The following RIMS3 variants were observed in gnomAD, a reference collection of about 807,000 sequenced individuals.
RIMS3 encodes the protein regulating synaptic membrane exocytosis protein 3.
In RIMS3, 15 loss-of-function variants were observed where a neutral mutation model predicts 29.2. That is an observed-to-expected ratio of 0.51 (90% CI 0.34 to 0.79). The LOEUF (loss-of-function observed/expected upper bound fraction) is 0.79. Ranked by LOEUF, RIMS3 falls within the 30% of genes least tolerant of loss-of-function variation. The pLI is 0.01. For missense variants in RIMS3, 342 were observed against 421.4 expected, an observed-to-expected ratio of 0.81 and a Z score of 1.65; for synonymous variants, 161 against 170.1, an observed-to-expected ratio of 0.95 and a Z score of 0.41.
chr1:40,650,759 G>A (rs1024358777), intron 1 of RIMS3, among the ~76,000 whole-genome samples: 6 of 150,974 alleles, frequency 4.0e-5, no homozygotes, highest in Non-Finnish European at 7.4e-5. Context: ...CCAGCTACTC[G>A]GGAGGCTGAG....
chr1:40,685,129 T>C, the RIMS3 span, among the ~76,000 whole-genome samples: 1 of 151,838 alleles, frequency 6.6e-6, no homozygotes, highest in Non-Finnish European at 1.5e-5. Context: ...TCAGACTGGG[T>C]CATGTTCCTA....
At chr1:40,683,801 G>C in the RIMS3 span, among the ~76,000 whole-genome samples, 6 of 152,364 alleles carry the variant, frequency 3.9e-5, no homozygotes, top group South Asian at 6.2e-4. Flanking sequence ...CTGTTGGATA[G>C]TGTTGGTTAG....
At chr1:40,680,095 A>G in the RIMS3 span, among the ~76,000 whole-genome samples, 1 of 151,952 alleles carries the variant, frequency 6.6e-6, no homozygotes, top group East Asian at 1.9e-4. Context: ...AGGAGTTTTG[A>G]GACTCGCCTG....
chr1:40,655,797 G>A (rs1160471505), intron 1 of RIMS3, among the ~76,000 whole-genome samples: 4 of 152,208 alleles, frequency 2.6e-5, no homozygotes, highest in Non-Finnish European at 4.4e-5. Context: ...TTGAGGTCAG[G>A]AGTTCAAGGC....
At chr1:40,650,777 G>A (rs1646626782) in intron 1 of RIMS3, among the ~76,000 whole-genome samples, 1 of 145,880 alleles carries the variant, frequency 6.9e-6, no homozygotes, top group Admixed American at 7.2e-5. Flanking sequence ...GAGGTGGGAG[G>A]ATGGCTTGAG....
chr1:40,653,839 A>G (rs1642230843), intron 1 of RIMS3, among the ~76,000 whole-genome samples: 1 of 152,136 alleles, frequency 6.6e-6, no homozygotes, highest in South Asian at 2.1e-4. Flanking sequence ...TCACAATCAC[A>G]CTGGACCGCA....
chr1:40,674,909 A>G, the RIMS3 span, among the ~76,000 whole-genome samples: 1 of 152,192 alleles, frequency 6.6e-6, no homozygotes, highest in Non-Finnish European at 1.5e-5. Flanking sequence ...AACTAAGACA[A>G]CCTAGCACAA....
the RIMS3 span, among the ~76,000 whole-genome samples, chr1:40,683,871 GGACA>G: frequency 2.6e-5 from 4 of 152,166 alleles, no homozygotes; most frequent in Admixed American, 2.0e-4. Flanking sequence ...CTCAGGAAGT[GGACA>G]GACATTGTTT....
chr1:40,629,499 A>G (rs2076333), intron 5 of RIMS3, 127 bp from the exon 6 acceptor site: 192,826 of 795,160 alleles, frequency 0.24, 24,191 homozygotes, highest in African/African-American at 0.31. Flanking sequence ...GATGGCACCA[A>G]CCACATGGGC....
intron 2 of RIMS3, among the ~76,000 whole-genome samples, chr1:40,645,538 G>A (rs1329016521): frequency 6.6e-6 from 1 of 152,076 alleles, no homozygotes; most frequent in African/African-American, 2.4e-5. Flanking sequence ...TGGGTCTCTG[G>A]GCCCTTTGAG....
chr1:40,635,950 C>A lies in RIMS3; in HGVS notation c.325G>T (p.Asp109Tyr). The A allele has an allele frequency of 1.2e-6, 2 of 1,612,694 alleles. No individual in the cohort carries two copies. The highest frequency in any genetic ancestry group is 1.7e-6 in the Non-Finnish European group (2 of 1,179,970). ...VTRQGSREST[D>Y]GSTNSNSSDG... ...GAGCTGTTGCTGTTGGTGCTCCCATCGGTGGACTCCCGGCTGCCCTGGCGT... is the reference window on the plus strand; with the variant it reads ...GAGCTGTTGCTGTTGGTGCTCCCATAGGTGGACTCCCGGCTGCCCTGGCGT... The change falls in exon 4 of 8, where the codon GAT (aspartate) becomes TAT (tyrosine). Residue 109 changes from aspartate to tyrosine, a missense_variant. Asp to Tyr is a radical substitution (Grantham distance 160). Transcript: ENST00000372684. The surrounding 1 kb of genome is among the most constrained non-coding windows in gnomAD (Gnocchi z 4.1).
the RIMS3 span, among the ~76,000 whole-genome samples, chr1:40,689,095 T>C: frequency 5.9e-5 from 9 of 152,252 alleles, 1 homozygote; most frequent in African/African-American, 2.2e-4. Flanking sequence ...ACAACAAAGG[T>C]TTATTTATTG....
the RIMS3 span, among the ~76,000 whole-genome samples, chr1:40,677,813 G>A: frequency 6.6e-6 from 1 of 152,160 alleles, no homozygotes; most frequent in East Asian, 1.9e-4. Flanking sequence ...CCAAGGCAAG[G>A]GACCTTGAAG....
At chr1:40,650,262 G>A (rs1217031769) in intron 1 of RIMS3, among the ~76,000 whole-genome samples, 1 of 152,206 alleles carries the variant, frequency 6.6e-6, no homozygotes, top group Non-Finnish European at 1.5e-5. Flanking sequence ...GTCACCATGG[G>A]CCTTCACTGG....
In RIMS3 at chr1:40,664,682, A is replaced by G. The variant is rs546223926; in HGVS notation, c.-207+712T>C. 2.1e-3 allele frequency among the ~76,000 whole-genome samples: 315 copies of G among 152,212 alleles called. 4 individuals carry two copies. The highest frequency in any genetic ancestry group is 7.3e-3 in the African/African-American group (301 of 41,516). On this transcript the variant is annotated intron_variant, in intron 1 of 7. Coordinates refer to ENST00000372684, the MANE Select transcript of RIMS3 (RefSeq NM_014747.3). Reference sequence around the variant, plus strand: ...TCCTTCCTGAGCCTTCAGGACCAGGACACTGAAGAAACCCACTCCTCAGGG... The same window carrying G: ...TCCTTCCTGAGCCTTCAGGACCAGGGCACTGAAGAAACCCACTCCTCAGGG...
At chr1:40,675,735 G>A in the RIMS3 span, among the ~76,000 whole-genome samples, 1 of 116,850 alleles carries the variant, frequency 8.6e-6, no homozygotes, top group African/African-American at 3.5e-5. Context: ...TCCAGCCTGG[G>A]AAACAAGAGT....
rs1176995862 is a variant in RIMS3 at position 40,654,735 on chromosome 1, CACAG to C, written c.-206-6897_-206-6894del. On this transcript the variant is annotated intron_variant, in intron 1 of 7. Transcript: ENST00000372684. The surrounding 1 kb of genome is among the most constrained non-coding windows in gnomAD (Gnocchi z 5.3). ...ACATATCGCATGAAGATACATTCAC[CACAG>C]ACACACACACACACAGTGCACACAC... Among the ~76,000 whole-genome samples the C allele has an allele frequency of 3.9e-5, 6 of 152,112 alleles. No individual in the cohort carries two copies. The highest frequency in any genetic ancestry group is 7.4e-5 in the Non-Finnish European group (5 of 68,016).
At chr1:40,689,492 G>A in the RIMS3 span, among the ~76,000 whole-genome samples, 1 of 152,070 alleles carries the variant, frequency 6.6e-6, no homozygotes, top group African/African-American at 2.4e-5. Flanking sequence ...ATCTTGGCCA[G>A]GCTGGTCTTG....
chr1:40,635,555 A>G lies in RIMS3; in HGVS notation c.359+361T>C, dbSNP rs956193057. Among the ~76,000 whole-genome samples, 7 of 152,202 alleles carry G rather than the reference A, an allele frequency of 4.6e-5. No homozygotes were observed. Among genetic ancestry groups the G allele is most frequent in the Admixed American group, 3.3e-4 (5 of 15,282 alleles). On this transcript the variant is annotated intron_variant, in intron 4 of 7. Coordinates refer to ENST00000372684, the MANE Select transcript of RIMS3 (RefSeq NM_014747.3). This position sits in a 1 kb window ranked among gnomAD's most constrained non-coding sequence, Gnocchi z 4.1. ...TGAGAAAATTCCACTCATCTGGGCC[A>G]CAACAATGGTTTTAGATTTAAAAGG...
Sources: gnomAD v4.1 joint callset for allele counts (sites outside exome capture counted in the v4.1 genomes callset) on GRCh38, gnomAD v4.1.1 for gene constraint, Gnocchi (gnomAD v3.1) non-coding constraint, MANE v1.5 for transcripts, NCBI Gene and HGNC (gene_info 2026-07-23, HGNC 2026-07-21) for gene names.